FHL1: variants seen among roughly 807,000 people sequenced by gnomAD.
FHL1 encodes the protein four and a half LIM domains protein 1.
FHL1 carries 1 observed loss-of-function variant against 20.3 expected under a neutral mutation model. The ratio of observed to expected loss-of-function variants is 0.05; its 90% confidence interval spans 0.02 to 0.23. The LOEUF is 0.23. FHL1 is among the 10% of genes least tolerant of loss of function. FHL1 has a pLI of 1.00. For missense variants in FHL1, 177 were observed against 234.0 expected (o/e 0.76, Z 1.59); for synonymous variants, 82 against 88.9 (o/e 0.92, Z 0.44).
At chrX:136,187,470 A>G (rs2073335784) in intron 2 of FHL1, among the ~76,000 whole-genome samples, 1 of 112,638 alleles carries the variant, frequency 8.9e-6, no homozygotes, top group Non-Finnish European at 1.9e-5. Flanking sequence ...ATTCAGCCAT[A>G]AAGAGAACTG....
intron 1 of FHL1, among the ~76,000 whole-genome samples, chrX:136,199,481 T>A (rs997904106): frequency 8.0e-5 from 9 of 112,643 alleles, no homozygotes; most frequent in Non-Finnish European, 1.5e-4. Flanking sequence ...ACTCATGAGC[T>A]CCGTCTCATT....
chrX:136,209,731 G>T, intron 5 of FHL1, 140 bp from the exon 6 acceptor site: 1 of 713,832 alleles, frequency 1.4e-6, no homozygotes, highest in Non-Finnish European at 2.1e-6. Flanking sequence ...CTGGGAGCCA[G>T]GCAGACCTGG....
At chrX:136,155,206 A>C (rs1298013232) in intron 1 of FHL1, among the ~76,000 whole-genome samples, 1 of 110,600 alleles carries the variant, frequency 9.0e-6, no homozygotes, top group Non-Finnish European at 1.9e-5. Context: ...TCCTTCTATC[A>C]CATTCATCTG....
chrX:136,208,035 C>G (rs772741762), intron 4 of FHL1, 74 bp downstream of exon 4: 2 of 1,066,860 alleles, frequency 1.9e-6, no homozygotes, highest in East Asian at 3.0e-5. Context: ...CACTTCCACA[C>G]ACACTATCCC....
At chrX:136,196,459 T>C (rs1276131909), upstream of FHL1, among the ~76,000 whole-genome samples, 2 of 111,585 alleles carry the variant, frequency 1.8e-5, no homozygotes, top group Non-Finnish European at 3.8e-5. Flanking sequence ...ATAGGCATAG[T>C]CTCCCCATCT....
chrX:136,198,471 T>C (rs951763887), intron 1 of FHL1, among the ~76,000 whole-genome samples: 2 of 112,150 alleles, frequency 1.8e-5, no homozygotes, highest in African/African-American at 6.5e-5. Flanking sequence ...CTAATAACTG[T>C]GGCTAAATGG....
upstream of FHL1, among the ~76,000 whole-genome samples, chrX:136,192,547 G>A (rs2073453067): frequency 8.9e-6 from 1 of 112,261 alleles, no homozygotes; most frequent in Non-Finnish European, 1.9e-5. Flanking sequence ...GTGCTTTGCT[G>A]TTTACAGTGT....
chrX:136,191,087 T>G (rs1046631771), intron 2 of FHL1, among the ~76,000 whole-genome samples: 6 of 111,824 alleles, frequency 5.4e-5, no homozygotes, highest in Admixed American at 9.5e-5. Context: ...GGTGGTAATC[T>G]AATGGCAGAC....
At chrX:136,171,135 G>T (rs1412479670) in intron 2 of FHL1, among the ~76,000 whole-genome samples, 2 of 111,577 alleles carry the variant, frequency 1.8e-5, no homozygotes, top group Admixed American at 1.9e-4. Flanking sequence ...AGCAAGCTCG[G>T]TGATACAAGC....
intron 3 of FHL1, 127 bp from the exon 4 acceptor site, chrX:136,207,665 A>G: frequency 1.4e-6 from 1 of 695,438 alleles, no homozygotes; most frequent in Non-Finnish European, 2.2e-6. Flanking sequence ...GGTTAGTTGG[A>G]GGTGTGAGGC....
chrX:136,157,141 T>A (rs1240686528), intron 1 of FHL1, among the ~76,000 whole-genome samples: 2 of 111,660 alleles, frequency 1.8e-5, no homozygotes, highest in East Asian at 5.6e-4. Flanking sequence ...CTGTAAATGA[T>A]CGTCATTTCA....
chrX:136,149,464 A>G (rs1409776158), intron 1 of FHL1, among the ~76,000 whole-genome samples: 1 of 112,478 alleles, frequency 8.9e-6, no homozygotes, highest in Non-Finnish European at 1.9e-5. Flanking sequence ...TAACATTTTT[A>G]AGGGCAAATA....
At chrX:136,173,290 A>T (rs1165613231) in intron 2 of FHL1, among the ~76,000 whole-genome samples, 1 of 112,692 alleles carries the variant, frequency 8.9e-6, no homozygotes. Flanking sequence ...TCACTGACAT[A>T]TGGTCATTTT....
In FHL1 at chrX:136,210,073, T is replaced by G. The variant is rs2073969946; in HGVS notation, c.*48T>G. On this transcript the variant is annotated 3_prime_UTR_variant, in exon 6 of 6. Transcript: ENST00000370683. ...TAAAATGGCATTTGAATCTCGTTCT[T>G]TGTGTCCTTACTTTCTGCCCTATAC... 1 of 1,205,267 alleles carries G rather than the reference T, an allele frequency of 8.3e-7. No individual in the cohort carries two copies.
chrX:136,210,408 G>A lies in FHL1; in HGVS notation c.*383G>A, dbSNP rs887500409. 3.3e-5 allele frequency: 13 copies of A among 393,925 alleles called. No individual in the cohort carries two copies. The highest frequency in any genetic ancestry group is 4.7e-5 in the Non-Finnish European group (10 of 211,077). The allele number at this position is 393,925 out of a possible 1,213,427, so 32.5% of individuals were successfully genotyped here. On this transcript the variant is annotated 3_prime_UTR_variant, in exon 6 of 6. Transcript: ENST00000370683. Reference sequence around the variant, plus strand: ...TCTCATGCCTCAGCTGGGACCCACCGTGTAGACACACGACATGCAAGAGTT... The same window carrying A: ...TCTCATGCCTCAGCTGGGACCCACCATGTAGACACACGACATGCAAGAGTT...
chrX:136,163,638 A>G (rs1467679413), intron 1 of FHL1, among the ~76,000 whole-genome samples: 3 of 111,845 alleles, frequency 2.7e-5, no homozygotes, highest in Non-Finnish European at 5.6e-5. Context: ...GGTGACAGCA[A>G]TGTTAGAATG....
Position 136,209,951 on chromosome X carries a change from G to A in FHL1, c.817G>A (p.Val273Met), listed in dbSNP as rs190006104. 3.0e-5 allele frequency: 36 copies of A among 1,208,828 alleles called. No homozygotes were observed. The highest frequency in any genetic ancestry group is 3.8e-5 in the Non-Finnish European group (34 of 894,999). Residue 273 changes from valine (V) to methionine (M), a missense_variant, in exon 6 of 6, where the codon GTG (valine) becomes ATG (methionine). Coordinates refer to ENST00000370683, the MANE Select transcript of FHL1 (RefSeq NM_001159699.2). Reference sequence around the variant, plus strand: ...CTGCTTCCACTGCAAAAAATGCTCCGTGAATCTGGCCAACAAGCGCTTTGT... The same window carrying A: ...CTGCTTCCACTGCAAAAAATGCTCCATGAATCTGGCCAACAAGCGCTTTGT... ...DYCFHCKKCS[V>M]NLANKRFVFH...
chrX:136,167,666 T>C (rs1434958897), upstream of FHL1, among the ~76,000 whole-genome samples: 1 of 111,946 alleles, frequency 8.9e-6, no homozygotes, highest in Non-Finnish European at 1.9e-5. Context: ...ACACTTTCCC[T>C]GTCCTTTCCC....
chrX:136,208,967 G>A (rs2073929272), intron 5 of FHL1, among the ~76,000 whole-genome samples: 3 of 103,205 alleles, frequency 2.9e-5, no homozygotes, highest in East Asian at 3.1e-4. Context: ...GAAGGGGGTG[G>A]GGGAGGGTGG....
Sources: allele counts gnomAD v4.1 joint callset (sites outside exome capture counted in the v4.1 genomes callset), GRCh38; gene constraint gnomAD v4.1.1; transcripts MANE v1.5; gene names NCBI Gene and HGNC (gene_info 2026-07-23, HGNC 2026-07-21).